The following KCNQ1OT1 variants were observed in gnomAD, a reference collection of about 807,000 sequenced individuals.
KCNQ1OT1 encodes the protein KCNQ1 opposite strand/antisense transcript 1.
In KCNQ1OT1 at chr11:2,691,649, A is replaced by G. The variant is rs1240382167; in HGVS notation, n.8346T>C. On this transcript the variant is annotated non_coding_transcript_exon_variant, in exon 1 of 1. Transcript: ENST00000597346. The surrounding 1 kb of genome is among the most constrained non-coding windows in gnomAD (Gnocchi z 6.4). ...GTGGGGAGGTCCTCTTTACCGCCAC[A>G]GTTCCAAGGGTGAAACAGAGAACCA... 3 of 398,442 alleles carry G rather than the reference A, an allele frequency of 7.5e-6. No individual in the cohort carries two copies. The highest frequency in any genetic ancestry group is 1.3e-5 in the Non-Finnish European group (3 of 226,068). 24.7% of individuals were successfully genotyped at this position (398,442 alleles called of 1,614,324 possible).
chr11:2,617,016 T>C lies in KCNQ1OT1; in HGVS notation n.82979A>G, dbSNP rs188656646. 2.5e-6 allele frequency: 1 copy of C among 398,122 alleles called. No homozygotes were observed. Among genetic ancestry groups the C allele is most frequent in the Non-Finnish European group, 4.4e-6 (1 of 225,840 alleles). The allele number at this position is 398,122 out of a possible 1,614,324, so 24.7% of individuals were successfully genotyped here. A position where few individuals can be genotyped will look rare whatever the true frequency, so the allele number is the denominator to read the frequency against. On this transcript the variant is annotated non_coding_transcript_exon_variant, in exon 1 of 1. Coordinates refer to ENST00000597346, the Ensembl canonical transcript of KCNQ1OT1. This position sits in a 1 kb window ranked among gnomAD's most constrained non-coding sequence, Gnocchi z 4.6. ...CATATTTAGTGTATAAAACATACAG[T>C]TAAATCGTTAACATAGTGATGCAAA...
At position 2,625,557 on chromosome 11, in the gene KCNQ1OT1, C is replaced by T. The variant is rs7103309; in HGVS notation, n.74438G>A. 350,581 of 397,046 alleles carry T rather than the reference C, an allele frequency of 0.88. 155,594 individuals carry two copies. The highest frequency in any genetic ancestry group is 0.99 in the East Asian group (27,787 of 27,996). The allele number at this position is 397,046 out of a possible 1,614,324, so 24.6% of individuals were successfully genotyped here. On this transcript the variant is annotated non_coding_transcript_exon_variant, in exon 1 of 1. Transcript: ENST00000597346. The stretch of plus-strand genomic sequence containing the variant: ...CATTTGTATATCTTCTTTGGAGATA[C>T]GTCTGTCCAAGTCCTTTGCCCTTTT...
exon 1 of KCNQ1OT1, chr11:2,628,765 T>C (rs2133813313): frequency 5.0e-6 from 2 of 398,400 alleles, no homozygotes; most frequent in East Asian, 7.1e-5. Context: ...TTTCAGGTCA[T>C]ATGTTTAAAT....
At chr11:2,629,349 T>C (rs1342266031) in exon 1 of KCNQ1OT1, 1 of 398,344 alleles carries the variant, frequency 2.5e-6, no homozygotes, top group Non-Finnish European at 4.4e-6. Flanking sequence ...GTCCAATTTC[T>C]CTATTTTTTA....
rs1849650880 is a variant in KCNQ1OT1, at chr11:2,645,390, G to A, written n.54605C>T. 2.5e-6 allele frequency: 1 copy of A among 398,684 alleles called. No homozygotes were observed. Among genetic ancestry groups the A allele is most frequent in the Non-Finnish European group, 4.4e-6 (1 of 226,248 alleles). 24.7% of individuals were successfully genotyped at this position (398,684 alleles called of 1,614,324 possible). Reference sequence around the variant, plus strand: ...CTGGGAGAAAAGAGGGTGGGACCAGGCCAGGTGGGCCTGTCCTGAGGCCCT... The same window carrying A: ...CTGGGAGAAAAGAGGGTGGGACCAGACCAGGTGGGCCTGTCCTGAGGCCCT... On this transcript the variant is annotated non_coding_transcript_exon_variant, in exon 1 of 1. Coordinates refer to ENST00000597346, the Ensembl canonical transcript of KCNQ1OT1. The surrounding 1 kb of genome is among the most constrained non-coding windows in gnomAD (Gnocchi z 5.8).
At position 2,683,247 on chromosome 11, in the gene KCNQ1OT1, C is replaced by A. The variant is rs547400957; in HGVS notation, n.16748G>T. On this transcript the variant is annotated non_coding_transcript_exon_variant, in exon 1 of 1. Transcript: ENST00000597346. The surrounding 1 kb of genome is among the most constrained non-coding windows in gnomAD (Gnocchi z 4.7). ...TGAGATACAGAGCAGGAGTCCATGG[C>A]ACCTCCAGAACCTGTCAGCCTGAGT... is the stretch of plus-strand genomic sequence containing the variant. The A allele has an allele frequency of 2.5e-6, 1 of 398,612 alleles. No individual in the cohort carries two copies. The highest frequency in any genetic ancestry group is 3.6e-5 in the East Asian group (1 of 28,074). The allele number at this position is 398,612 out of a possible 1,614,324, so 24.7% of individuals were successfully genotyped here.
At chr11:2,641,702 T>G (rs1849579740) in exon 1 of KCNQ1OT1, 2 of 398,372 alleles carry the variant, frequency 5.0e-6, no homozygotes. Context: ...CCATAAAATC[T>G]TTCCCTAGAC....
chr11:2,659,598 T>G lies in KCNQ1OT1; in HGVS notation n.40397A>C. 2.5e-6 allele frequency: 1 copy of G among 398,526 alleles called. No homozygotes were observed. The allele number at this position is 398,526 out of a possible 1,614,324, so 24.7% of individuals were successfully genotyped here. A position where few individuals can be genotyped will look rare whatever the true frequency, so the allele number is the denominator to read the frequency against. ...TACAGGTTTTTGCGAACATAAAAATTCAATTCACTTGGGTGGGAAAGGAAC... is the reference window on the plus strand; with the variant it reads ...TACAGGTTTTTGCGAACATAAAAATGCAATTCACTTGGGTGGGAAAGGAAC... On this transcript the variant is annotated non_coding_transcript_exon_variant, in exon 1 of 1. Transcript: ENST00000597346. This position sits in a 1 kb window ranked among gnomAD's most constrained non-coding sequence, Gnocchi z 4.3.
chr11:2,641,865 C>G (rs1042840517), exon 1 of KCNQ1OT1: 2 of 398,240 alleles, frequency 5.0e-6, no homozygotes, highest in Non-Finnish European at 8.9e-6. Context: ...TCTTATTTTC[C>G]CAGCTCCATT....
rs1849881383 is a variant in KCNQ1OT1, at chr11:2,657,997, A to G, written n.41998T>C. 3 of 398,512 alleles carry G rather than the reference A, an allele frequency of 7.5e-6. No homozygotes were observed. Among genetic ancestry groups the G allele is most frequent in the African/African-American group, 2.1e-5 (1 of 48,642 alleles). The allele number at this position is 398,512 out of a possible 1,614,324, so 24.7% of individuals were successfully genotyped here. A position where few individuals can be genotyped will look rare whatever the true frequency, so the allele number is the denominator to read the frequency against. ...CGGCCAGGCTCCTCCACTGTAAGTG[A>G]ATAGCTGTTTTTCCCTTTCCATAGC... On this transcript the variant is annotated non_coding_transcript_exon_variant, in exon 1 of 1. Transcript: ENST00000597346. The surrounding 1 kb of genome is among the most constrained non-coding windows in gnomAD (Gnocchi z 4.8).
In KCNQ1OT1 at chr11:2,623,759, A is replaced by C; in HGVS notation, n.76236T>G. On this transcript the variant is annotated non_coding_transcript_exon_variant, in exon 1 of 1. Coordinates refer to ENST00000597346, the Ensembl canonical transcript of KCNQ1OT1. The surrounding 1 kb of genome is among the most constrained non-coding windows in gnomAD (Gnocchi z 5.2). ...CTGTGCAGATTTTTATGTGAATATA[A>C]GTCTTCACCTCCTTTGAGTAAATAC... 2.5e-6 allele frequency: 1 copy of C among 398,578 alleles called. No homozygotes were observed. The highest frequency in any genetic ancestry group is 4.4e-6 in the Non-Finnish European group (1 of 226,044). The allele number at this position is 398,578 out of a possible 1,614,324, so 24.7% of individuals were successfully genotyped here. A position where few individuals can be genotyped will look rare whatever the true frequency, so the allele number is the denominator to read the frequency against.
At chr11:2,697,779 C>T in exon 1 of KCNQ1OT1, 1 of 398,594 alleles carries the variant, frequency 2.5e-6, no homozygotes, top group Non-Finnish European at 4.4e-6. Context: ...TAGCATTGTA[C>T]AAGGAACTTC....
rs975621899 is a variant in KCNQ1OT1, at chr11:2,695,801, T to A, written n.4194A>T. ...TTTCTAATGCTTCTCCTATGAAGAA[T>A]AGCTGTTGCTTTCATTTACATTTCT... On this transcript the variant is annotated non_coding_transcript_exon_variant, in exon 1 of 1. Transcript: ENST00000597346. This position sits in a 1 kb window ranked among gnomAD's most constrained non-coding sequence, Gnocchi z 5.2. The A allele has an allele frequency of 1.0e-5, 4 of 398,562 alleles. No homozygotes were observed. Among genetic ancestry groups the A allele is most frequent in the African/African-American group, 8.2e-5 (4 of 48,644 alleles). The allele number at this position is 398,562 out of a possible 1,614,324, so 24.7% of individuals were successfully genotyped here.
chr11:2,614,561 T>C (rs1313709490), exon 1 of KCNQ1OT1: 1 of 398,416 alleles, frequency 2.5e-6, no homozygotes, highest in African/African-American at 2.1e-5. Flanking sequence ...TTTTATATGC[T>C]ATGAGTTATG....
At chr11:2,667,577 G>A in exon 1 of KCNQ1OT1, 1 of 398,504 alleles carries the variant, frequency 2.5e-6, no homozygotes, top group Non-Finnish European at 4.4e-6. Flanking sequence ...TTGGGGCAGG[G>A]GGTCGGGGCG....
exon 1 of KCNQ1OT1, chr11:2,646,684 C>T: frequency 2.5e-6 from 1 of 398,574 alleles, no homozygotes; most frequent in Non-Finnish European, 4.4e-6. Flanking sequence ...GCCACCACGC[C>T]CAGCTCATTT....
At chr11:2,640,487 T>C (rs1474473523) in exon 1 of KCNQ1OT1, 1 of 398,238 alleles carries the variant, frequency 2.5e-6, no homozygotes, top group Non-Finnish European at 4.4e-6. Context: ...GGTCGTGCAT[T>C]GTTGCCCAGG....
chr11:2,626,858 G>A lies in KCNQ1OT1; in HGVS notation n.73137C>T. 1 of 398,562 alleles carries A rather than the reference G, an allele frequency of 2.5e-6. No individual in the cohort carries two copies. Among genetic ancestry groups the A allele is most frequent in the East Asian group, 3.6e-5 (1 of 28,074 alleles). 24.7% of individuals were successfully genotyped at this position (398,562 alleles called of 1,614,324 possible). Reference sequence around the variant, plus strand: ...TAAGTTTTCAAATCAGAAAGTGTGAGTCCTCCAATGTTGTTCATCATTTTC... The same window carrying A: ...TAAGTTTTCAAATCAGAAAGTGTGAATCCTCCAATGTTGTTCATCATTTTC... On this transcript the variant is annotated non_coding_transcript_exon_variant, in exon 1 of 1. Coordinates refer to ENST00000597346, the Ensembl canonical transcript of KCNQ1OT1. The surrounding 1 kb of genome is among the most constrained non-coding windows in gnomAD (Gnocchi z 4.0).
Position 2,653,572 on chromosome 11 carries a change from T to C in KCNQ1OT1, n.46423A>G, listed in dbSNP as rs375125425. 29 of 398,724 alleles carry C rather than the reference T, an allele frequency of 7.3e-5. No individual in the cohort carries two copies. The highest frequency in any genetic ancestry group is 2.5e-4 in the East Asian group (7 of 28,100). The allele number at this position is 398,724 out of a possible 1,614,324, so 24.7% of individuals were successfully genotyped here. On this transcript the variant is annotated non_coding_transcript_exon_variant, in exon 1 of 1. Coordinates refer to ENST00000597346, the Ensembl canonical transcript of KCNQ1OT1. The surrounding 1 kb of genome is among the most constrained non-coding windows in gnomAD (Gnocchi z 5.3). ...CCTTCTCCCTTCCCGTTCCCTCTTT[T>C]GTTCTCCCTTTCCCTTGCTCTCTAT... is the stretch of plus-strand genomic sequence containing the variant.
Sources: allele counts gnomAD v4.1 joint callset, GRCh38; gene constraint gnomAD v4.1.1; non-coding constraint Gnocchi (gnomAD v3.1); transcripts MANE v1.5; gene names NCBI Gene and HGNC (gene_info 2026-07-23, HGNC 2026-07-21).